MACROD2: variants seen among roughly 807,000 people sequenced by gnomAD.
MACROD2 encodes ADP-ribose glycohydrolase MACROD2.
MACROD2 carries 36 observed loss-of-function variants against 70.4 expected under a neutral mutation model. The ratio of observed to expected loss-of-function variants is 0.51; its 90% CI spans 0.39 to 0.68. The LOEUF is 0.68. Ranked by LOEUF, MACROD2 falls within the 30% of genes least tolerant of loss-of-function variation. MACROD2 has a pLI of 0.00. For synonymous variants in MACROD2, 172 were observed against 178.8 expected (o/e 0.96, Z 0.30); for missense variants, 496 against 538.4 (o/e 0.92, Z 0.78).
At chr20:14,790,277 C>A (rs936021955) in intron 5 of MACROD2, among the ~76,000 whole-genome samples, 1 of 148,800 alleles carries the variant, frequency 6.7e-6, no homozygotes, top group Admixed American at 6.7e-5. Context: ...AAAAAAAAAA[C>A]AAATATTTTA....
intron 3 of MACROD2, among the ~76,000 whole-genome samples, chr20:14,214,715 A>C (rs546811334): frequency 6.6e-6 from 1 of 150,700 alleles, no homozygotes; most frequent in South Asian, 2.1e-4. Context: ...CGAGCAGCAT[A>C]TACTGCACCA....
At chr20:15,078,309 A>G (rs1315643140) in intron 5 of MACROD2, among the ~76,000 whole-genome samples, 2 of 152,112 alleles carry the variant, frequency 1.3e-5, no homozygotes, top group African/African-American at 4.8e-5. Flanking sequence ...ATAGTCCTCC[A>G]TTTCAGTTTC....
chr20:15,932,152 G>A (rs1171791226), intron 10 of MACROD2, among the ~76,000 whole-genome samples: 1 of 152,144 alleles, frequency 6.6e-6, no homozygotes, highest in Non-Finnish European at 1.5e-5. Flanking sequence ...GGGTGGAAAG[G>A]TTCAAGAAGG....
chr20:15,635,499 A>G (rs2049349161), intron 8 of MACROD2, among the ~76,000 whole-genome samples: 1 of 152,142 alleles, frequency 6.6e-6, no homozygotes, highest in Non-Finnish European at 1.5e-5. Flanking sequence ...AGAAAGCCAA[A>G]TACTGTATGT....
At chr20:14,562,469 A>G (rs1839704689) in intron 4 of MACROD2, among the ~76,000 whole-genome samples, 1 of 151,806 alleles carries the variant, frequency 6.6e-6, no homozygotes, top group African/African-American at 2.4e-5. Context: ...AAAAGAGTAT[A>G]GATATAATTT....
At chr20:15,288,770 G>C (rs1217534643) in intron 6 of MACROD2, among the ~76,000 whole-genome samples, 1 of 152,086 alleles carries the variant, frequency 6.6e-6, no homozygotes, top group African/African-American at 2.4e-5. Flanking sequence ...TCTCTAGCTT[G>C]CAGAAAGCTT....
At chr20:15,841,980 G>A (rs1397521509) in intron 8 of MACROD2, among the ~76,000 whole-genome samples, 1 of 152,100 alleles carries the variant, frequency 6.6e-6, no homozygotes, top group Non-Finnish European at 1.5e-5. Flanking sequence ...GGGAAGAGAT[G>A]AACAGGAATT....
intron 5 of MACROD2, among the ~76,000 whole-genome samples, chr20:15,192,563 G>C (rs1167134198): frequency 6.6e-6 from 1 of 152,168 alleles, no homozygotes; most frequent in Non-Finnish European, 1.5e-5. Context: ...TTCAAGCTAA[G>C]AAGCCTCCAG....
chr20:15,174,091 C>A (rs1358724357), intron 5 of MACROD2, among the ~76,000 whole-genome samples: 1 of 152,160 alleles, frequency 6.6e-6, no homozygotes, highest in African/African-American at 2.4e-5. Flanking sequence ...ACTTTTAAAT[C>A]ATGATTTTCC....
chr20:15,695,789 A>ATT (rs34511421), intron 8 of MACROD2, among the ~76,000 whole-genome samples: 23,427 of 150,004 alleles, frequency 0.16, 2,055 homozygotes, highest in African/African-American at 0.25. Flanking sequence ...ATTCCTGCGT[A>ATT]TTTTTTTTTC....
At chr20:15,297,703 T>A (rs1001262676) in intron 6 of MACROD2, among the ~76,000 whole-genome samples, 1 of 152,216 alleles carries the variant, frequency 6.6e-6, no homozygotes, top group African/African-American at 2.4e-5. Context: ...CCTACTTTTA[T>A]GGTGCTAGAA....
At chr20:15,371,155 C>A (rs2045486126) in intron 6 of MACROD2, among the ~76,000 whole-genome samples, 1 of 152,066 alleles carries the variant, frequency 6.6e-6, no homozygotes. Context: ...AAAACACTGG[C>A]ACTTTTTCTT....
At chr20:15,154,568 T>A (rs199295) in intron 5 of MACROD2, among the ~76,000 whole-genome samples, 95,780 of 152,082 alleles carry the variant, frequency 0.63, 30,526 homozygotes, top group African/African-American at 0.72. Flanking sequence ...TGGAGTCTGT[T>A]AGTTTGAGAT....
chr20:14,976,792 G>A (rs58783016), intron 5 of MACROD2, among the ~76,000 whole-genome samples: 13 of 152,176 alleles, frequency 8.5e-5, no homozygotes, highest in South Asian at 2.1e-4. Context: ...CCATTTCCTC[G>A]TGTGTAAAAT....
chr20:14,954,598 AATTATATAGTT>A lies in MACROD2; in HGVS notation c.418+269648_418+269658del, dbSNP rs986520696. 4.7e-3 allele frequency among the ~76,000 whole-genome samples: 627 copies of A among 133,962 alleles called. 9 individuals are homozygous for A. Among genetic ancestry groups the A allele is most frequent in the African/African-American group, 0.017 (595 of 35,966 alleles). 87.9% of individuals were successfully genotyped at this position (133,962 alleles called of 152,430 possible). ...GTATAAATTATAAATTATATATAAT[AATTATATAGTT>A]ATTATATATAATTTATATAAATACA... On this transcript the variant is annotated intron_variant, in intron 5 of 17. Transcript: ENST00000684519.
chr20:15,715,460 C>A (rs1054633775), intron 8 of MACROD2, among the ~76,000 whole-genome samples: 1 of 152,088 alleles, frequency 6.6e-6, no homozygotes, highest in East Asian at 1.9e-4. Context: ...TTAAAATGCA[C>A]ATCATTTTAT....
At chr20:15,732,867 G>T (rs1158704821) in intron 8 of MACROD2, among the ~76,000 whole-genome samples, 1 of 151,874 alleles carries the variant, frequency 6.6e-6, no homozygotes, top group Non-Finnish European at 1.5e-5. Flanking sequence ...TAGACAACTG[G>T]TATAATTTCT....
At chr20:14,410,759 A>G (rs1241372317) in intron 3 of MACROD2, among the ~76,000 whole-genome samples, 1 of 152,158 alleles carries the variant, frequency 6.6e-6, no homozygotes, top group Admixed American at 6.5e-5. Context: ...AAACTGTTTA[A>G]TAATAAACAC....
intron 8 of MACROD2, among the ~76,000 whole-genome samples, chr20:15,768,395 C>T (rs565866208): frequency 1.3e-5 from 2 of 152,124 alleles, no homozygotes; most frequent in East Asian, 3.9e-4. Context: ...CTAAACATAG[C>T]TCAACATAGA....
Sources: gnomAD v4.1 joint callset for allele counts (sites outside exome capture counted in the v4.1 genomes callset) on GRCh38, gnomAD v4.1.1 for gene constraint, MANE v1.5 for transcripts, NCBI Gene and HGNC (gene_info 2026-07-23, HGNC 2026-07-21) for gene names.